Variants in APAF1 observed in about 807,000 individuals in gnomAD.
APAF1 encodes the protein apoptotic peptidase activating factor 1, also known as apoptotic protease-activating factor 1.
A neutral mutation model predicts 152.4 loss-of-function variants in APAF1; 91 were observed. The ratio of observed to expected loss-of-function variants is 0.60; its 90% CI spans 0.50 to 0.71. APAF1 has a LOEUF of 0.71. Among genes scored for constraint, APAF1 ranks in the 30% least tolerant of loss-of-function variants. APAF1 has a pLI of 0.00. For missense variants in APAF1, 1,283 were observed against 1,472.0 expected (o/e 0.87, Z 2.10); for synonymous variants, 484 against 494.1 (o/e 0.98, Z 0.27).
At chr12:98,657,284 A>G (rs1047015886) in intron 4 of APAF1, among the ~76,000 whole-genome samples, 1 of 152,238 alleles carries the variant, frequency 6.6e-6, no homozygotes, top group Non-Finnish European at 1.5e-5. Flanking sequence ...CCTAGACTTC[A>G]GCCATCATTG....
At chr12:98,668,117 A>T (rs1049933944) in intron 10 of APAF1, among the ~76,000 whole-genome samples, 2 of 151,876 alleles carry the variant, frequency 1.3e-5, no homozygotes. Context: ...TAAATTTACC[A>T]CTGTTGTTGT....
intron 26 of APAF1, among the ~76,000 whole-genome samples, chr12:98,730,420 T>G (rs1021388605): frequency 1.3e-5 from 2 of 152,224 alleles, no homozygotes; most frequent in Admixed American, 1.3e-4. Flanking sequence ...TTCTCTGGCC[T>G]CCACAGAATT....
intron 7 of APAF1, among the ~76,000 whole-genome samples, chr12:98,664,807 C>G (rs532981119): frequency 1.3e-5 from 2 of 152,232 alleles, no homozygotes; most frequent in South Asian, 4.2e-4. Context: ...AGTGCTAGGA[C>G]TACAGACACA....
chr12:98,696,496 T>C (rs556038973), intron 16 of APAF1, among the ~76,000 whole-genome samples: 2 of 152,198 alleles, frequency 1.3e-5, no homozygotes, highest in South Asian at 4.1e-4. Flanking sequence ...ACTGCCACAG[T>C]GGGGATCCAA....
chr12:98,676,431 A>G (rs1033042662), intron 12 of APAF1, among the ~76,000 whole-genome samples: 7 of 151,574 alleles, frequency 4.6e-5, no homozygotes, highest in African/African-American at 7.3e-5. Context: ...CTCATCTCGA[A>G]CTCCTGACCT....
At chr12:98,720,139 A>G (rs747854765) in intron 22 of APAF1, among the ~76,000 whole-genome samples, 19 of 152,342 alleles carry the variant, frequency 1.2e-4, no homozygotes, top group Admixed American at 2.0e-4. Context: ...TATACTATGT[A>G]TTCTATCAAA....
intron 4 of APAF1, among the ~76,000 whole-genome samples, chr12:98,655,403 C>G (rs1311642602): frequency 6.6e-6 from 1 of 151,360 alleles, no homozygotes; most frequent in South Asian, 2.1e-4. Flanking sequence ...CCAGTAGGGG[C>G]GGCCGGGCAG....
intron 15 of APAF1, among the ~76,000 whole-genome samples, chr12:98,684,577 C>A (rs990032967): frequency 2.8e-5 from 4 of 144,660 alleles, no homozygotes; most frequent in Non-Finnish European, 6.0e-5. Context: ...GCTCTTTAGG[C>A]ATATTTATGT....
At chr12:98,673,461 A>C (rs11831799) in intron 12 of APAF1, among the ~76,000 whole-genome samples, 2,988 of 151,638 alleles carry the variant, frequency 0.02, 92 homozygotes, top group African/African-American at 0.069. Context: ...AAAAAACAAA[A>C]AAAAAACCTT....
chr12:98,660,748 T>G (rs937736314), intron 5 of APAF1, among the ~76,000 whole-genome samples: 1 of 152,230 alleles, frequency 6.6e-6, no homozygotes, highest in African/African-American at 2.4e-5. Context: ...GGGAATGTTA[T>G]AGTATACTGA....
intron 24 of APAF1, 57 bp downstream of exon 24, chr12:98,723,821 G>A: frequency 6.4e-7 from 1 of 1,560,922 alleles, no homozygotes; most frequent in Non-Finnish European, 8.8e-7. Flanking sequence ...TGTATAATGA[G>A]TTCAAATAAT....
intron 10 of APAF1, 120 bp downstream of exon 10, chr12:98,667,764 G>GTTTT: frequency 5.2e-6 from 2 of 383,442 alleles, no homozygotes; most frequent in South Asian, 2.6e-5. Context: ...CTTTCCATTT[G>GTTTT]ATTTTTTTTT....
intron 5 of APAF1, among the ~76,000 whole-genome samples, chr12:98,660,221 C>T (rs976175228): frequency 6.6e-5 from 10 of 152,154 alleles, no homozygotes; most frequent in African/African-American, 1.9e-4. Context: ...TGGTACACAC[C>T]TGTGGTCCCA....
Position 98,732,582 on chromosome 12 carries a change from A to G in APAF1, c.*16A>G. On this transcript the variant is annotated 3_prime_UTR_variant, in exon 27 of 27. Transcript: ENST00000551964. Reference sequence around the variant, plus strand: ...TTTAGAATAAAATAGTTAAGCATTAATGTAGTTGAACTTTTTAAATTTTTG... The same window carrying G: ...TTTAGAATAAAATAGTTAAGCATTAGTGTAGTTGAACTTTTTAAATTTTTG... 1 of 1,515,754 alleles carries G rather than the reference A, an allele frequency of 6.6e-7. No homozygotes were observed. Among genetic ancestry groups the G allele is most frequent in the Non-Finnish European group, 9.1e-7 (1 of 1,099,598 alleles). The allele number at this position is 1,515,754 out of a possible 1,614,324, so 93.9% of individuals were successfully genotyped here. A position where few individuals can be genotyped will look rare whatever the true frequency, so the allele number is the denominator to read the frequency against.
chr12:98,701,381 C>T (rs2153335179), intron 17 of APAF1, among the ~76,000 whole-genome samples: 1 of 152,268 alleles, frequency 6.6e-6, no homozygotes, highest in Non-Finnish European at 1.5e-5. Context: ...ATTACTGGGT[C>T]ATATGGTAAT....
At chr12:98,717,242 A>G (rs1035011094) in intron 22 of APAF1, among the ~76,000 whole-genome samples, 1 of 151,930 alleles carries the variant, frequency 6.6e-6, no homozygotes, top group Non-Finnish European at 1.5e-5. Context: ...CATTTCTACT[A>G]GTATATTTCT....
intron 16 of APAF1, among the ~76,000 whole-genome samples, chr12:98,696,434 A>AG (rs1407322541): frequency 1.3e-5 from 2 of 152,182 alleles, no homozygotes; most frequent in Admixed American, 1.3e-4. Flanking sequence ...TCTGTTTATG[A>AG]GGGATCCACC....
chr12:98,708,010 T>C (rs2097723655), intron 19 of APAF1, among the ~76,000 whole-genome samples: 2 of 152,122 alleles, frequency 1.3e-5, no homozygotes, highest in Non-Finnish European at 2.9e-5. Context: ...GCAATGGCAC[T>C]ATCTTGGCTC....
At position 98,656,075 on chromosome 12, in the gene APAF1, G is replaced by A. The variant is rs577154639; in HGVS notation, c.527-3085G>A. Among the ~76,000 whole-genome samples the A allele has an allele frequency of 7.2e-5, 11 of 152,072 alleles. 1 individual carries two copies. The East Asian group carries it at 2.1e-3, about 29-fold the overall frequency. On this transcript the variant is annotated intron_variant, in intron 4 of 26. Coordinates refer to ENST00000551964, the MANE Select transcript of APAF1 (RefSeq NM_181861.2). ...TGGGATTACAGGCATGAGCCACCGCGCCCGGCCTTGCCTGGCTAATTTTTT... is the reference window on the plus strand; with the variant it reads ...TGGGATTACAGGCATGAGCCACCGCACCCGGCCTTGCCTGGCTAATTTTTT...
Sources: gnomAD v4.1 joint callset for allele counts (sites outside exome capture counted in the v4.1 genomes callset) on GRCh38, gnomAD v4.1.1 for gene constraint, MANE v1.5 for transcripts, NCBI Gene and HGNC (gene_info 2026-07-23, HGNC 2026-07-21) for gene names.